FARP2: variants seen among roughly 807,000 people sequenced by gnomAD.
FARP2 encodes FERM, ARHGEF and pleckstrin domain-containing protein 2.
In FARP2, 111 loss-of-function variants were observed where a neutral mutation model predicts 130.5. The ratio of observed to expected loss-of-function variants is 0.85; its 90% CI spans 0.73 to 1.00. FARP2 has a LOEUF of 1.00. Among genes scored for constraint, FARP2 ranks in the 50% least tolerant of loss-of-function variants. FARP2 has a pLI of 0.00. For synonymous variants in FARP2, 504 were observed against 516.9 expected (o/e 0.98, Z 0.34); for missense variants, 1,385 against 1,346.3 (o/e 1.03, Z -0.45).
chr2:241,451,970 C>G (rs2063670641), intron 13 of FARP2, among the ~76,000 whole-genome samples: 1 of 152,160 alleles, frequency 6.6e-6, no homozygotes, highest in South Asian at 2.1e-4. Flanking sequence ...GGCCAGGCTT[C>G]TCTCAAACTC....
chr2:241,402,028 G>A (rs2062181311), intron 2 of FARP2, among the ~76,000 whole-genome samples: 2 of 152,092 alleles, frequency 1.3e-5, no homozygotes, highest in African/African-American at 4.8e-5. Context: ...GAGCTCAGGT[G>A]ATCCACCCAC....
rs1247830071 is a variant in FARP2, at chr2:241,413,266, G to A, written c.509-41G>A. 2.4e-6 allele frequency: 3 copies of A among 1,264,530 alleles called. No individual in the cohort carries two copies. The Admixed American group carries it at 6.0e-5, about 25-fold the overall frequency. The allele number at this position is 1,264,530 out of a possible 1,614,324, so 78.3% of individuals were successfully genotyped here. On this transcript the variant is annotated intron_variant, in intron 6 of 26. Coordinates refer to ENST00000264042, the MANE Select transcript of FARP2 (RefSeq NM_014808.4). The stretch of plus-strand genomic sequence containing the variant: ...GCAATGACACATACAAATGCTTGTA[G>A]TTTATTTAAAAATTAGTTACTTACT...
chr2:241,468,359 G>C lies in FARP2; in HGVS notation c.2113G>C (p.Asp705His). 6.2e-7 allele frequency: 1 copy of C among 1,612,452 alleles called. No homozygotes were observed. The highest frequency in any genetic ancestry group is 8.5e-7 in the Non-Finnish European group (1 of 1,179,480). Residue 705 changes from aspartate to histidine, a missense_variant, in exon 18 of 27, where the codon GAC becomes CAC. Transcript: ENST00000264042. Reference sequence around the variant, plus strand: ...CGGACATTACAGCCCCGGGCACCATGACTACGCTGACTGCCATGGTGAGTG... The same window carrying C: ...CGGACATTACAGCCCCGGGCACCATCACTACGCTGACTGCCATGGTGAGTG... ...LCGHYSPGHHDYADCHDALKA... is the reference protein window; with the variant it reads ...LCGHYSPGHHHYADCHDALKA...
intron 1 of FARP2, among the ~76,000 whole-genome samples, chr2:241,371,558 G>C (rs2061425065): frequency 6.6e-6 from 1 of 152,202 alleles, no homozygotes; most frequent in Non-Finnish European, 1.5e-5. Flanking sequence ...AGGGCCAGGA[G>C]ACTCGGAGCA....
intron 13 of FARP2, among the ~76,000 whole-genome samples, chr2:241,451,187 T>A (rs2063648749): frequency 6.6e-6 from 1 of 152,168 alleles, no homozygotes; most frequent in Non-Finnish European, 1.5e-5. Flanking sequence ...TTGCCAAGGC[T>A]GGTCTCAAAC....
intron 1 of FARP2, among the ~76,000 whole-genome samples, chr2:241,368,412 C>T (rs1278442957): frequency 2.0e-5 from 3 of 152,052 alleles, no homozygotes; most frequent in Non-Finnish European, 4.4e-5. Context: ...ACATGGTGCG[C>T]CAAGGACTGT....
At chr2:241,375,813 T>C (rs2061522638) in intron 2 of FARP2, among the ~76,000 whole-genome samples, 1 of 152,010 alleles carries the variant, frequency 6.6e-6, no homozygotes, top group African/African-American at 2.4e-5. Flanking sequence ...GGCCAGCCTC[T>C]AACTCTTGGA....
intron 2 of FARP2, among the ~76,000 whole-genome samples, chr2:241,394,708 A>G (rs2150334027): frequency 6.6e-6 from 1 of 152,318 alleles, no homozygotes; most frequent in Admixed American, 6.5e-5. Context: ...TATGGAAAAT[A>G]TTTTGATTTT....
At position 241,468,713 on chromosome 2, in the gene FARP2, C is replaced by A. The variant is rs564880474; in HGVS notation, c.2131+336C>A. Among the ~76,000 whole-genome samples, 6 of 152,302 alleles carry A rather than the reference C, an allele frequency of 3.9e-5. No homozygotes were observed. In the South Asian group the frequency reaches 1.0e-3, roughly 26 times the overall value. On this transcript the variant is annotated intron_variant, in intron 18 of 26. Transcript: ENST00000264042. ...CATGCTCCTGCTGGGGACCCCACAG[C>A]CCCCACAAGTGCACTGGGGAATGGG...
chr2:241,458,708 C>CA (rs2063933384), intron 14 of FARP2, among the ~76,000 whole-genome samples: 1 of 152,058 alleles, frequency 6.6e-6, no homozygotes, highest in South Asian at 2.1e-4. Flanking sequence ...ACCAAGCAGT[C>CA]TGTTATTAAG....
intron 26 of FARP2, chr2:241,493,699 ATTC>A (rs1159370307): frequency 1.9e-6 from 1 of 531,456 alleles, no homozygotes; most frequent in Non-Finnish European, 3.4e-6. Context: ...GGTTCAAGCG[ATTC>A]TTCTGCCTCA....
At chr2:241,488,481 ATCTCGGCT>A (rs2064815339) in intron 21 of FARP2, 1 of 144,344 alleles carries the variant, frequency 6.9e-6, no homozygotes, top group African/African-American at 2.6e-5. Context: ...CCCAGGCACG[ATCTCGGCT>A]CACTGCAAAC....
At chr2:241,485,850 G>A (rs536639588) in intron 21 of FARP2, among the ~76,000 whole-genome samples, 9 of 145,040 alleles carry the variant, frequency 6.2e-5, no homozygotes, top group Admixed American at 4.8e-4. Context: ...CTCTCCCTGG[G>A]GTCCTCCCTC....
intron 15 of FARP2, 53 bp downstream of exon 15, chr2:241,462,665 G>T: frequency 1.7e-6 from 2 of 1,144,486 alleles, no homozygotes; most frequent in Admixed American, 1.9e-5. Flanking sequence ...TCTCTCATCT[G>T]AACACAGAGA....
chr2:241,386,518 T>C (rs1444645213), intron 2 of FARP2, among the ~76,000 whole-genome samples: 1 of 152,164 alleles, frequency 6.6e-6, no homozygotes. Context: ...AGGGAGAGAT[T>C]TTGGGGGAAG....
At chr2:241,370,761 A>G (rs980166616) in intron 1 of FARP2, among the ~76,000 whole-genome samples, 1 of 152,158 alleles carries the variant, frequency 6.6e-6, no homozygotes. Flanking sequence ...TGCTGTTATC[A>G]TCTTTACAGT....
At chr2:241,467,221 A>G (rs1369097316) in intron 17 of FARP2, among the ~76,000 whole-genome samples, 2 of 152,244 alleles carry the variant, frequency 1.3e-5, no homozygotes, top group African/African-American at 2.4e-5. Flanking sequence ...GCACCACTGC[A>G]CTCCAGCCTA....
intron 9 of FARP2, among the ~76,000 whole-genome samples, chr2:241,433,668 A>G (rs550228859): frequency 6.6e-6 from 1 of 152,312 alleles, no homozygotes; most frequent in South Asian, 2.1e-4. Flanking sequence ...ATGAATATAT[A>G]TACTGTCTAT....
At chr2:241,434,060 T>C in intron 9 of FARP2, 98 bp from the exon 10 acceptor site, 1 of 949,564 alleles carries the variant, frequency 1.1e-6, no homozygotes, top group Non-Finnish European at 1.6e-6. Flanking sequence ...TGATTTTTAA[T>C]TTTGGAATTC....
Sources: gnomAD v4.1 joint callset for allele counts (sites outside exome capture counted in the v4.1 genomes callset) on GRCh38, gnomAD v4.1.1 for gene constraint, MANE v1.5 for transcripts, NCBI Gene and HGNC (gene_info 2026-07-23, HGNC 2026-07-21) for gene names.